The following SCN1B variants were observed in gnomAD, a reference collection of about 807,000 sequenced individuals.
SCN1B encodes the protein sodium voltage-gated channel beta subunit 1.
A neutral mutation model predicts 25.7 loss-of-function variants in SCN1B; 11 were observed. The observed-to-expected ratio is 0.43, with a 90% CI of 0.27 to 0.71. The LOEUF (loss-of-function observed/expected upper bound fraction) is 0.71, where lower values mean the gene tolerates loss of function less well. SCN1B is among the 30% of genes least tolerant of loss of function. The probability of loss-of-function intolerance (pLI) is 0.21; values close to 1 mark genes in which losing one functional copy is unlikely to be tolerated. For missense variants in SCN1B, 224 were observed against 291.5 expected (o/e 0.77, Z 1.69); for synonymous variants, 119 against 117.5 (o/e 1.01, Z -0.08).
intron 3 of SCN1B, chr19:35,036,431 C>T (rs1416797046): frequency 6.6e-6 from 1 of 152,078 alleles, no homozygotes; most frequent in African/African-American, 2.4e-5. Flanking sequence ...CACTGCCTGC[C>T]ATTCCTTATT....
chr19:35,033,367 T>G, intron 2 of SCN1B, 132 bp from the exon 3 acceptor site: 129 of 1,538,500 alleles, frequency 8.4e-5, no homozygotes, highest in Middle Eastern at 2.3e-4. Context: ...CCTCCCTGCC[T>G]GAGGTCAAGG....
intron 3 of SCN1B, chr19:35,035,243 T>G (rs1432727242): frequency 1.3e-5 from 2 of 150,474 alleles, no homozygotes; most frequent in Admixed American, 1.3e-4. Context: ...TGTTGTGTCC[T>G]CTGTACGCCG....
rs747944905 is a variant in SCN1B, at chr19:35,039,683, C to G, written c.639C>G (p.Gly213=). The change falls in exon 5 of 6, where the codon GGC becomes GGG. Residue 213 remains glycine (G), a synonymous_variant. Coordinates refer to ENST00000262631, the MANE Select transcript of SCN1B (RefSeq NM_001037.5). ...ITSESKENCT[G]VQVAE ...CTGAAAGCAAAGAGAACTGCACGGG[C>G]GTCCAGGTGGCCGAATAGCCCTGGT... 33 of 1,614,186 alleles carry G rather than the reference C, an allele frequency of 2.0e-5. 2 individuals carry two copies. The South Asian group carries it at 3.6e-4, about 18-fold the overall frequency.
intron 1 of SCN1B, 95 bp downstream of exon 1, chr19:35,030,955 G>C (rs1033893587): frequency 4.7e-6 from 1 of 210,970 alleles, no homozygotes; most frequent in African/African-American, 2.3e-5. Context: ...AGCCGCGCGA[G>C]GGCCACCCCC....
At position 35,039,960 on chromosome 19, in the gene SCN1B, A is replaced by T; in HGVS notation, c.*169A>T. On this transcript the variant is annotated 3_prime_UTR_variant, in exon 6 of 6. Transcript: ENST00000262631. ...GGCAGGGGGCTTGGCTCGCACCCCC[A>T]CTTTCGCCTCCTCCAGCTCCTGCCC... is the stretch of plus-strand genomic sequence containing the variant. The T allele has an allele frequency of 1.8e-6, 1 of 564,944 alleles. No individual in the cohort carries two copies. Among genetic ancestry groups the T allele is most frequent in the South Asian group, 2.0e-5 (1 of 49,592 alleles). The allele number at this position is 564,944 out of a possible 1,614,324, so 35.0% of individuals were successfully genotyped here. A position where few individuals can be genotyped will look rare whatever the true frequency, so the allele number is the denominator to read the frequency against.
chr19:35,034,397 T>A, intron 3 of SCN1B: 1 of 442,942 alleles, frequency 2.3e-6, no homozygotes, highest in Non-Finnish European at 4.1e-6. Context: ...GGGCCACAGG[T>A]GCGGGGCCCA....
Position 35,030,818 on chromosome 19 carries a change from GC to G in SCN1B, c.-1del. ...AGGGGGGCGCAGCACGCGCCGCGCAGCCATGGGGAGGCTGCTGGCCTTAGTG... is the reference window on the plus strand; with the variant it reads ...AGGGGGGCGCAGCACGCGCCGCGCAGCATGGGGAGGCTGCTGGCCTTAGTG... On this transcript the variant is annotated 5_prime_UTR_variant, in exon 1 of 6. Transcript: ENST00000262631. The G allele has an allele frequency of 9.2e-7, 1 of 1,083,672 alleles. No individual in the cohort carries two copies. The highest frequency in any genetic ancestry group is 1.2e-6 in the Non-Finnish European group (1 of 857,028). 67.1% of individuals were successfully genotyped at this position (1,083,672 alleles called of 1,614,324 possible). A position where few individuals can be genotyped will look rare whatever the true frequency, so the allele number is the denominator to read the frequency against.
Position 35,030,770 on chromosome 19 carries a change from G to C in SCN1B, c.-51G>C. ...GCCAGGTCCCGCCGCCTCTCGCCCC[G>C]CTATTAATACCGGCGGCCCGGGAGG... On this transcript the variant is annotated 5_prime_UTR_variant, in exon 1 of 6. Transcript: ENST00000262631. 1.4e-6 allele frequency: 1 copy of C among 709,204 alleles called. No individual in the cohort carries two copies. The highest frequency in any genetic ancestry group is 2.0e-6 in the Non-Finnish European group (1 of 494,318). The allele number at this position is 709,204 out of a possible 1,614,324, so 43.9% of individuals were successfully genotyped here. A position where few individuals can be genotyped will look rare whatever the true frequency, so the allele number is the denominator to read the frequency against.
chr19:35,037,930 G>C (rs1485793426), intron 3 of SCN1B: 1 of 152,178 alleles, frequency 6.6e-6, no homozygotes, highest in Non-Finnish European at 1.5e-5. Context: ...CTGCACTCCA[G>C]TCTGGGCAAT....
chr19:35,032,438 A>T lies in SCN1B; in HGVS notation c.41-90A>T, dbSNP rs1044568918. ...CATCCAGTCCTGTCTGCTGGTAATC[A>T]TTGAGGGGGGAACAGATGGTTTGTG... is the stretch of plus-strand genomic sequence containing the variant. On this transcript the variant is annotated intron_variant, in intron 1 of 5. Transcript: ENST00000262631. This position sits in a 1 kb window ranked among gnomAD's most constrained non-coding sequence, Gnocchi z 4.3. 2.7e-6 allele frequency: 4 copies of T among 1,493,030 alleles called. No individual in the cohort carries two copies. Among genetic ancestry groups the T allele is most frequent in the Non-Finnish European group, 2.8e-6 (3 of 1,082,216 alleles). 92.5% of individuals were successfully genotyped at this position (1,493,030 alleles called of 1,614,324 possible).
chr19:35,039,839 C>T lies in SCN1B; in HGVS notation c.*48C>T. Reference sequence around the variant, plus strand: ...AAGGAAGAGCCAGCCGTAATGGGGACTCTCCAGGCACCGCCTGCCCCCAGC... The same window carrying T: ...AAGGAAGAGCCAGCCGTAATGGGGATTCTCCAGGCACCGCCTGCCCCCAGC... On this transcript the variant is annotated 3_prime_UTR_variant, in exon 6 of 6. Transcript: ENST00000262631. 2.2e-6 allele frequency: 2 copies of T among 904,270 alleles called. No homozygotes were observed. Among genetic ancestry groups the T allele is most frequent in the South Asian group, 1.5e-5 (1 of 66,288 alleles). 56.0% of individuals were successfully genotyped at this position (904,270 alleles called of 1,614,324 possible). A position where few individuals can be genotyped will look rare whatever the true frequency, so the allele number is the denominator to read the frequency against.
In SCN1B at chr19:35,032,266, T is replaced by C. The variant is rs974337136; in HGVS notation, c.41-262T>C. Reference sequence around the variant, plus strand: ...ACAGTCCCACTTATGGGGCCTCCCATGTACAAGGCCCTACCTAATGTATGA... The same window carrying C: ...ACAGTCCCACTTATGGGGCCTCCCACGTACAAGGCCCTACCTAATGTATGA... On this transcript the variant is annotated intron_variant, in intron 1 of 5. Coordinates refer to ENST00000262631, the MANE Select transcript of SCN1B (RefSeq NM_001037.5). This position sits in a 1 kb window ranked among gnomAD's most constrained non-coding sequence, Gnocchi z 4.3. Among the ~76,000 whole-genome samples the C allele has an allele frequency of 2.6e-5, 4 of 152,202 alleles. No individual in the cohort carries two copies. The highest frequency in any genetic ancestry group is 1.9e-4 in the East Asian group (1 of 5,190).
Position 35,039,953 on chromosome 19 carries a change from C to A in SCN1B, c.*162C>A. On this transcript the variant is annotated 3_prime_UTR_variant, in exon 6 of 6. Coordinates refer to ENST00000262631, the MANE Select transcript of SCN1B (RefSeq NM_001037.5). ...GGGAGGGGGCAGGGGGCTTGGCTCGCACCCCCACTTTCGCCTCCTCCAGCT... is the reference window on the plus strand; with the variant it reads ...GGGAGGGGGCAGGGGGCTTGGCTCGAACCCCCACTTTCGCCTCCTCCAGCT... 1.7e-6 allele frequency: 1 copy of A among 575,592 alleles called. No individual in the cohort carries two copies. Among genetic ancestry groups the A allele is most frequent in the Non-Finnish European group, 3.1e-6 (1 of 321,894 alleles). The allele number at this position is 575,592 out of a possible 1,614,324, so 35.7% of individuals were successfully genotyped here. A position where few individuals can be genotyped will look rare whatever the true frequency, so the allele number is the denominator to read the frequency against.
intron 2 of SCN1B, among the ~76,000 whole-genome samples, chr19:35,033,258 A>T (rs1192303024): frequency 6.6e-6 from 1 of 151,868 alleles, no homozygotes; most frequent in East Asian, 1.9e-4. Context: ...GCTTGGGAGG[A>T]TGACTGAGGA....
intron 3 of SCN1B, chr19:35,034,037 A>G (rs1276653349): frequency 6.5e-7 from 1 of 1,550,192 alleles, no homozygotes; most frequent in Non-Finnish European, 8.7e-7. Context: ...TCTCTGAGCC[A>G]AAGGGTTGTC....
chr19:35,038,420 G>A (rs201805413), intron 3 of SCN1B: 1 of 156,238 alleles, frequency 6.4e-6, no homozygotes. Context: ...TGCTGGCTGC[G>A]AGCTCATCCA....
At chr19:35,033,475 C>T (rs1445206315) in intron 2 of SCN1B, 24 bp from the exon 3 acceptor site, 2 of 1,613,000 alleles carry the variant, frequency 1.2e-6, no homozygotes, top group South Asian at 1.1e-5. Flanking sequence ...GCAGTGACAC[C>T]TTCCCCTCCC....
chr19:35,034,616 G>A (rs984958201), intron 3 of SCN1B: 2 of 169,412 alleles, frequency 1.2e-5, no homozygotes, highest in African/African-American at 2.4e-5. Context: ...GTGGCAGAAA[G>A]GTCTCTCAGG....
intron 3 of SCN1B, 77 bp from the exon 4 acceptor site, chr19:35,039,040 T>C: frequency 6.4e-7 from 1 of 1,560,550 alleles, no homozygotes; most frequent in East Asian, 2.2e-5. Flanking sequence ...TCATCCAAGC[T>C]CACACAGCAA....
Sources: gnomAD v4.1 joint callset for allele counts (sites outside exome capture counted in the v4.1 genomes callset) on GRCh38, gnomAD v4.1.1 for gene constraint, Gnocchi (gnomAD v3.1) non-coding constraint, MANE v1.5 for transcripts, NCBI Gene and HGNC (gene_info 2026-07-23, HGNC 2026-07-21) for gene names.